The following GFM1 variants were observed in gnomAD, a reference collection of about 807,000 sequenced individuals.
GFM1 encodes elongation factor G, mitochondrial.
GFM1 carries 62 observed loss-of-function variants against 96.2 expected under a neutral mutation model. The observed-to-expected ratio is 0.64, with a 90% CI of 0.53 to 0.80. The LOEUF is 0.80. Ranked by LOEUF, GFM1 falls within the 30% of genes least tolerant of loss-of-function variation. The pLI, the probability that GFM1 is intolerant of heterozygous loss-of-function variation, is 0.00. For missense variants in GFM1, 852 were observed against 916.6 expected (o/e 0.93, Z 0.91); for synonymous variants, 282 against 312.9 (o/e 0.90, Z 1.04).
chr3:158,651,784 T>C (rs890851611), intron 5 of GFM1, among the ~76,000 whole-genome samples: 1 of 152,010 alleles, frequency 6.6e-6, no homozygotes, highest in Non-Finnish European at 1.5e-5. Flanking sequence ...AAACTTGATA[T>C]GCAGAAAAGT....
chr3:158,658,230 G>A (rs974182531), intron 8 of GFM1, among the ~76,000 whole-genome samples: 3 of 141,680 alleles, frequency 2.1e-5, no homozygotes, highest in South Asian at 2.2e-4. Context: ...GCAGTGGTGC[G>A]ATCTCGGCTC....
At chr3:158,675,812 A>G (rs1023960954) in intron 13 of GFM1, among the ~76,000 whole-genome samples, 1 of 152,308 alleles carries the variant, frequency 6.6e-6, no homozygotes, top group African/African-American at 2.4e-5. Flanking sequence ...ATTTCTGACT[A>G]ATACATGATA....
At chr3:158,673,169 T>C (rs75567950) in intron 13 of GFM1, among the ~76,000 whole-genome samples, 1,853 of 152,302 alleles carry the variant, frequency 0.012, 50 homozygotes, top group African/African-American at 0.042. Context: ...TGGGAGATTA[T>C]GTAATTTGGA....
At chr3:158,682,305 ATT>A (rs1725466966) in intron 14 of GFM1, 148 bp downstream of exon 14, 1 of 673,728 alleles carries the variant, frequency 1.5e-6, no homozygotes, top group South Asian at 1.8e-5. Context: ...TTTCCATCTG[ATT>A]TAGAATCTCT....
intron 13 of GFM1, among the ~76,000 whole-genome samples, chr3:158,677,421 G>A (rs1235134584): frequency 1.3e-5 from 2 of 152,254 alleles, no homozygotes; most frequent in Non-Finnish European, 2.9e-5. Flanking sequence ...GAAGCAGCAA[G>A]TGCTGATGTG....
chr3:158,663,723 A>G (rs1560134781), intron 11 of GFM1, among the ~76,000 whole-genome samples: 1 of 152,226 alleles, frequency 6.6e-6, no homozygotes, highest in Admixed American at 6.5e-5. Flanking sequence ...ATGCTTCTTC[A>G]TTCCTAAATT....
chr3:158,684,328 A>G (rs1279107520), intron 14 of GFM1, among the ~76,000 whole-genome samples, 196 bp from the exon 15 acceptor site: 1 of 152,154 alleles, frequency 6.6e-6, no homozygotes, highest in East Asian at 1.9e-4. Context: ...TAACAAAACT[A>G]TACATGTACC....
Position 158,652,287 on chromosome 3 carries a change from G to A in GFM1, c.840+41G>A, listed in dbSNP as rs750841861. 2.0e-5 allele frequency: 31 copies of A among 1,583,956 alleles called. No homozygotes were observed. The South Asian group carries it at 3.1e-4, about 16-fold the overall frequency. On this transcript the variant is annotated intron_variant, in intron 6 of 17. Coordinates refer to ENST00000486715, the MANE Select transcript of GFM1 (RefSeq NM_024996.7). ...ATAAGTCTTATGTTAACAACAAAAA[G>A]AAGTCGTTTGTTTTTTGTAGGGAGG... is the stretch of plus-strand genomic sequence containing the variant.
chr3:158,690,373 A>G, intron 16 of GFM1, 50 bp downstream of exon 16: 1 of 1,567,584 alleles, frequency 6.4e-7, no homozygotes, highest in Non-Finnish European at 8.8e-7. Context: ...CCATAGAAGG[A>G]AATCCAGGTT....
intron 13 of GFM1, 81 bp downstream of exon 13, chr3:158,666,467 T>G: frequency 1.6e-6 from 2 of 1,260,950 alleles, no homozygotes; most frequent in Non-Finnish European, 2.3e-6. Context: ...TATTACTGTT[T>G]TAAAGACATT....
At chr3:158,662,103 G>C (rs932091319) in intron 10 of GFM1, among the ~76,000 whole-genome samples, 3 of 152,088 alleles carry the variant, frequency 2.0e-5, no homozygotes, top group African/African-American at 7.2e-5. Context: ...ACTACCTACT[G>C]GCCCTTAGCC....
At chr3:158,645,550 G>A (rs968890747) in intron 1 of GFM1, 79 bp from the exon 2 acceptor site, 13 of 1,195,688 alleles carry the variant, frequency 1.1e-5, no homozygotes, top group East Asian at 2.3e-5. Context: ...GAGGAATAAT[G>A]TCCACCATAC....
intron 14 of GFM1, among the ~76,000 whole-genome samples, chr3:158,683,455 T>C (rs992821469): frequency 6.6e-6 from 1 of 152,250 alleles, no homozygotes; most frequent in Non-Finnish European, 1.5e-5. Context: ...ATGTGCAGTT[T>C]ATTGTATATC....
Position 158,655,872 on chromosome 3 carries a change from C to A in GFM1, c.1083+1241C>A, listed in dbSNP as rs148913404. On this transcript the variant is annotated intron_variant, in intron 8 of 17. Transcript: ENST00000486715. The stretch of plus-strand genomic sequence containing the variant: ...CACAGAAGGCCCATCCAGAGGACCA[C>A]GTTATATTTGATTGTCATGTCTCCT... 1.6e-3 allele frequency: 750 copies of A among 457,322 alleles called. 5 individuals carry two copies. The highest frequency in any genetic ancestry group is 0.013 in the African/African-American group (632 of 50,186). 28.3% of individuals were successfully genotyped at this position (457,322 alleles called of 1,614,324 possible). A position where few individuals can be genotyped will look rare whatever the true frequency, so the allele number is the denominator to read the frequency against.
At chr3:158,680,688 A>G (rs1053698352) in intron 13 of GFM1, among the ~76,000 whole-genome samples, 2 of 152,206 alleles carry the variant, frequency 1.3e-5, no homozygotes, top group African/African-American at 4.8e-5. Context: ...AAATGGTGAT[A>G]AAAGTAATAC....
intron 8 of GFM1, chr3:158,656,386 C>T (rs1722761020): frequency 6.4e-6 from 1 of 156,924 alleles, no homozygotes; most frequent in East Asian, 1.9e-4. Context: ...CTCCTGACCT[C>T]AGGTGATCCG....
chr3:158,664,335 A>G (rs1723436436), intron 11 of GFM1, among the ~76,000 whole-genome samples: 2 of 152,204 alleles, frequency 1.3e-5, no homozygotes, highest in South Asian at 4.1e-4. Flanking sequence ...TAATCAAGAT[A>G]TTGGTAATGT....
chr3:158,684,700 G>C (rs769677882), intron 15 of GFM1, 32 bp downstream of exon 15: 3 of 1,611,726 alleles, frequency 1.9e-6, no homozygotes, highest in South Asian at 1.1e-5. Flanking sequence ...TAGCCTGTCT[G>C]TTTTCCTGAT....
chr3:158,660,795 C>A, intron 9 of GFM1, 79 bp from the exon 10 acceptor site: 1 of 1,142,978 alleles, frequency 8.7e-7, no homozygotes, highest in East Asian at 2.3e-5. Context: ...AATGTGTGTA[C>A]TGTACAGTTT....
Sources: allele counts gnomAD v4.1 joint callset (sites outside exome capture counted in the v4.1 genomes callset), GRCh38; gene constraint gnomAD v4.1.1; transcripts MANE v1.5; gene names NCBI Gene and HGNC (gene_info 2026-07-23, HGNC 2026-07-21).